HSPA12A: variants seen among roughly 807,000 people sequenced by gnomAD.
The protein encoded by HSPA12A is heat shock protein family A (Hsp70) member 12A, also known as heat shock 70 kDa protein 12A.
A neutral mutation model predicts 69.2 loss-of-function variants in HSPA12A; 28 were observed. The ratio of observed to expected loss-of-function variants is 0.40; its 90% CI spans 0.30 to 0.55. The LOEUF (loss-of-function observed/expected upper bound fraction) is 0.55. Ranked by LOEUF, HSPA12A falls within the 20% of genes least tolerant of loss-of-function variation. The pLI is 0.38. For synonymous variants in HSPA12A, 345 were observed against 370.5 expected (o/e 0.93, Z 0.79); for missense variants, 686 against 900.7 (o/e 0.76, Z 3.05).
intron 1 of HSPA12A, among the ~76,000 whole-genome samples, chr10:116,715,855 G>A (rs1475180620): frequency 1.3e-5 from 2 of 152,210 alleles, no homozygotes; most frequent in Non-Finnish European, 2.9e-5. Context: ...GACTCTGAAA[G>A]CTTGGGAAGG....
chr10:116,785,407 G>A (rs1038953663), intron 2 of HSPA12A, among the ~76,000 whole-genome samples: 2 of 152,046 alleles, frequency 1.3e-5, no homozygotes, highest in African/African-American at 4.8e-5. Context: ...TCAAGATGTG[G>A]GAGCTGAGAG....
At chr10:116,831,011 A>G (rs565984114) in intron 2 of HSPA12A, 1 of 152,688 alleles carries the variant, frequency 6.5e-6, no homozygotes, top group South Asian at 2.1e-4. Context: ...AGTACATTCT[A>G]TGATGTTCAC....
intron 2 of HSPA12A, among the ~76,000 whole-genome samples, chr10:116,793,706 G>A (rs924938748): frequency 2.6e-5 from 4 of 151,616 alleles, no homozygotes; most frequent in South Asian, 2.1e-4. Context: ...AGGTAAAAGC[G>A]TTACATTCAT....
At position 116,671,533 on chromosome 10, in the gene HSPA12A, G is replaced by T. The variant is rs1198372142; in HGVS notation, c.*3248C>A. On this transcript the variant is annotated 3_prime_UTR_variant, in exon 12 of 12. Transcript: ENST00000369209. ...TTTACATTGGTGCATGCGATTCTTT[G>T]CTACCCTGGCAATTAACCAGACCTG... 6.6e-6 allele frequency: 1 copy of T among 152,498 alleles called. No individual in the cohort carries two copies. Among genetic ancestry groups the T allele is most frequent in the African/African-American group, 2.4e-5 (1 of 41,424 alleles). The allele number at this position is 152,498 out of a possible 1,614,324, so 9.4% of individuals were successfully genotyped here.
chr10:116,692,078 G>A (rs564400270), intron 6 of HSPA12A, among the ~76,000 whole-genome samples: 40 of 152,258 alleles, frequency 2.6e-4, no homozygotes, highest in African/African-American at 8.7e-4. Flanking sequence ...TGGAGACTCC[G>A]CAGTAGAAAC....
intron 1 of HSPA12A, 112 bp from the exon 2 acceptor site, chr10:116,707,397 C>T (rs1850290779): frequency 2.4e-6 from 2 of 825,236 alleles, no homozygotes; most frequent in South Asian, 1.5e-5. Flanking sequence ...TCTGCAAAGC[C>T]AGCTCACGAA....
At chr10:116,732,987 A>G (rs1408146764) in intron 1 of HSPA12A, among the ~76,000 whole-genome samples, 1 of 152,164 alleles carries the variant, frequency 6.6e-6, no homozygotes, top group African/African-American at 2.4e-5. Flanking sequence ...CAGTCCAGAC[A>G]TTAGACAACC....
chr10:116,726,785 T>C (rs1384664124), intron 1 of HSPA12A, among the ~76,000 whole-genome samples: 3 of 152,342 alleles, frequency 2.0e-5, no homozygotes, highest in Admixed American at 6.5e-5. Context: ...TGTTTCTTCA[T>C]GTGGAAAATG....
intron 1 of HSPA12A, among the ~76,000 whole-genome samples, chr10:116,711,613 G>A (rs1228965459): frequency 1.3e-5 from 2 of 150,976 alleles, no homozygotes; most frequent in African/African-American, 4.9e-5. Flanking sequence ...TACAGAGAGA[G>A]TCAATGTTTT....
At chr10:116,841,697 T>C (rs1490133222) in intron 1 of HSPA12A, among the ~76,000 whole-genome samples, 1 of 152,128 alleles carries the variant, frequency 6.6e-6, no homozygotes, top group Non-Finnish European at 1.5e-5. Flanking sequence ...TAAAATGATT[T>C]TATTTGCTAA....
chr10:116,715,156 G>T (rs552520746), intron 1 of HSPA12A, among the ~76,000 whole-genome samples: 238 of 152,330 alleles, frequency 1.6e-3, no homozygotes, highest in African/African-American at 5.5e-3. Flanking sequence ...CCCGAGGCTT[G>T]TTAAAACACA....
intron 2 of HSPA12A, among the ~76,000 whole-genome samples, chr10:116,754,960 A>ATT (rs199644098): frequency 6.7e-6 from 1 of 148,604 alleles, no homozygotes; most frequent in Non-Finnish European, 1.5e-5. Flanking sequence ...TTATCCATGT[A>ATT]TTTTTTTTTT....
chr10:116,828,382 G>C (rs1321167958), intron 2 of HSPA12A, among the ~76,000 whole-genome samples: 1 of 152,142 alleles, frequency 6.6e-6, no homozygotes, highest in African/African-American at 2.4e-5. Flanking sequence ...ACATGGCTGC[G>C]AGGCATGGCC....
At chr10:116,782,295 C>A (rs1554891881) in intron 2 of HSPA12A, among the ~76,000 whole-genome samples, 2 of 152,176 alleles carry the variant, frequency 1.3e-5, no homozygotes, top group African/African-American at 4.8e-5. Context: ...GCTTATTCGA[C>A]TGTTTTGGAA....
At chr10:116,798,064 G>GGGA (rs1470763253) in intron 2 of HSPA12A, among the ~76,000 whole-genome samples, 1 of 91,086 alleles carries the variant, frequency 1.1e-5, no homozygotes, top group East Asian at 3.0e-4. Flanking sequence ...AGAGGCAGGG[G>GGGA]CTGGGACCAG....
chr10:116,674,693 G>T lies in HSPA12A; in HGVS notation c.*88C>A, dbSNP rs535310013. The T allele has an allele frequency of 1.7e-4, 230 of 1,340,334 alleles. No individual in the cohort carries two copies. The highest frequency in any genetic ancestry group is 2.1e-4 in the Non-Finnish European group (207 of 969,484). The allele number at this position is 1,340,334 out of a possible 1,614,324, so 83.0% of individuals were successfully genotyped here. On this transcript the variant is annotated 3_prime_UTR_variant, in exon 12 of 12. Transcript: ENST00000369209. ...TGAAATTCACATGGGCAATGGTGAG[G>T]GTCAAGGTTAGGGAAAGAACAGTCA...
intron 2 of HSPA12A, among the ~76,000 whole-genome samples, chr10:116,773,116 G>A (rs918540239): frequency 2.0e-5 from 3 of 152,072 alleles, no homozygotes; most frequent in Admixed American, 6.5e-5. Context: ...AGCTGCTCCC[G>A]TTGACTCCCC....
At chr10:116,847,571 A>T (rs1845914182) in intron 1 of HSPA12A, among the ~76,000 whole-genome samples, 1 of 152,212 alleles carries the variant, frequency 6.6e-6, no homozygotes, top group Non-Finnish European at 1.5e-5. Flanking sequence ...CCTTTGCTCC[A>T]GCCAGGTTGG....
intron 4 of HSPA12A, among the ~76,000 whole-genome samples, chr10:116,700,168 C>T (rs1310593252): frequency 2.0e-5 from 3 of 152,160 alleles, no homozygotes; most frequent in Non-Finnish European, 4.4e-5. Context: ...TCAAAGGTAC[C>T]AGTGACCAGA....
Sources: gnomAD v4.1 joint callset for allele counts (sites outside exome capture counted in the v4.1 genomes callset) on GRCh38, gnomAD v4.1.1 for gene constraint, MANE v1.5 for transcripts, NCBI Gene and HGNC (gene_info 2026-07-23, HGNC 2026-07-21) for gene names.